FAT3: variants seen among roughly 807,000 people sequenced by gnomAD.
FAT3 encodes FAT atypical cadherin 3.
A neutral mutation model predicts 310.2 loss-of-function variants in FAT3; 95 were observed. That is an observed-to-expected ratio of 0.31 (90% CI 0.26 to 0.36). The LOEUF (loss-of-function observed/expected upper bound fraction) is 0.36. Among genes scored for constraint, FAT3 ranks in the 10% least tolerant of loss-of-function variants. The probability of loss-of-function intolerance (pLI) is 1.00; values close to 1 mark genes in which losing one functional copy is unlikely to be tolerated. For synonymous variants in FAT3, 2,314 were observed against 2,192.9 expected, an observed-to-expected ratio of 1.06 and a Z score of -1.54; for missense variants, 5,408 against 5,715.6, an observed-to-expected ratio of 0.95 and a Z score of 1.74.
At chr11:92,368,310 ATGCCAATTT>A (rs1565263086) in intron 2 of FAT3, among the ~76,000 whole-genome samples, 1 of 152,230 alleles carries the variant, frequency 6.6e-6, no homozygotes, top group Non-Finnish European at 1.5e-5. Context: ...TTTTAATGAC[ATGCCAATTT>A]TTAACATTGT....
At chr11:92,610,682 C>T (rs1171539315) in intron 3 of FAT3, among the ~76,000 whole-genome samples, 3 of 152,178 alleles carry the variant, frequency 2.0e-5, no homozygotes, top group African/African-American at 4.8e-5. Context: ...CCAAAGCATC[C>T]ACCGTTTCTT....
At chr11:92,371,073 CG>C (rs1427119589) in intron 2 of FAT3, among the ~76,000 whole-genome samples, 2 of 152,056 alleles carry the variant, frequency 1.3e-5, no homozygotes, top group Non-Finnish European at 2.9e-5. Context: ...TTAGAAATTG[CG>C]AAGTGGAGAT....
chr11:92,354,261 T>C lies in FAT3; in HGVS notation c.2149T>C (p.Ser717Pro). ...GGAAGATGGATTTCTTGACTTTTAT[T>C]CAATTAATAGACAGGGACCATATTT... ...NLEDGFLDFY[S>P]INRQGPYFDK... The change falls in exon 2 of 28, where the codon TCA becomes CCA. Residue 717 changes from serine to proline, a missense_variant. Physicochemically the swap from Ser to Pro is moderately conservative, Grantham distance 74. This residue lies in a region of FAT3 where 4,588 missense variants were observed against 4,809.8 expected (regional missense o/e 0.95). Transcript: ENST00000525166. 8 of 1,613,722 alleles carry C rather than the reference T, an allele frequency of 5.0e-6. No homozygotes were observed. Among genetic ancestry groups the C allele is most frequent in the Non-Finnish European group, 6.8e-6 (8 of 1,179,860 alleles).
chr11:92,686,751 A>G (rs183028469), intron 3 of FAT3, among the ~76,000 whole-genome samples: 1 of 152,358 alleles, frequency 6.6e-6, no homozygotes, highest in Non-Finnish European at 1.5e-5. Context: ...TGTATAAATT[A>G]TAGAGCAAAG....
chr11:92,624,872 T>C (rs1385669026), intron 3 of FAT3, among the ~76,000 whole-genome samples: 3 of 152,226 alleles, frequency 2.0e-5, no homozygotes, highest in Non-Finnish European at 2.9e-5. Flanking sequence ...AGACGATCTG[T>C]TCAAAGCTGC....
rs1565252705 is a variant in FAT3 at position 92,355,018 on chromosome 11, G to T, written c.2906G>T (p.Gly969Val). Reference protein sequence around the residue: ...ETHDPDLGLGGQVRYSLVNDY... With the variant: ...ETHDPDLGLGVQVRYSLVNDY... ...CATGATCCAGATCTTGGACTGGGGG[G>T]TCAAGTGCGCTATTCTTTGGTCAAT... Residue 969 changes from glycine (G) to valine (V), a missense_variant, in exon 2 of 28, where the codon GGT becomes GTT. This residue lies in a region of FAT3 where 4,588 missense variants were observed against 4,809.8 expected (regional missense o/e 0.95). Transcript: ENST00000525166. The T allele has an allele frequency of 1.9e-6, 3 of 1,613,710 alleles. No individual in the cohort carries two copies. Among genetic ancestry groups the T allele is most frequent in the Admixed American group, 1.7e-5 (1 of 59,916 alleles).
chr11:92,320,305 C>T (rs1947578864), intron 1 of FAT3, among the ~76,000 whole-genome samples: 1 of 152,114 alleles, frequency 6.6e-6, no homozygotes, highest in Non-Finnish European at 1.5e-5. Flanking sequence ...GTACCATTGA[C>T]ATGCAGGAAG....
At chr11:92,346,067 C>A (rs1014260509) in intron 1 of FAT3, among the ~76,000 whole-genome samples, 4 of 152,140 alleles carry the variant, frequency 2.6e-5, no homozygotes, top group African/African-American at 9.7e-5. Flanking sequence ...CCACATCAAA[C>A]CCTTTTTCTT....
At position 92,327,076 on chromosome 11, in the gene FAT3, A is replaced by G. The variant is rs375241724; in HGVS notation, c.-17-25020A>G. On this transcript the variant is annotated intron_variant, in intron 1 of 27. Coordinates refer to ENST00000525166, the MANE Select transcript of FAT3 (RefSeq NM_001367949.2). Reference sequence around the variant, plus strand: ...TGTATGCAGTATAGGTGCATTTTAAATAATATTTATTAAAAGACATGGAGT... The same window carrying G: ...TGTATGCAGTATAGGTGCATTTTAAGTAATATTTATTAAAAGACATGGAGT... Among the ~76,000 whole-genome samples, 8 of 152,280 alleles carry G rather than the reference A, an allele frequency of 5.3e-5. No homozygotes were observed. The East Asian group carries it at 1.4e-3, about 26-fold the overall frequency.
At chr11:92,678,986 A>G (rs1943380862) in intron 3 of FAT3, among the ~76,000 whole-genome samples, 1 of 151,820 alleles carries the variant, frequency 6.6e-6, no homozygotes, top group Non-Finnish European at 1.5e-5. Flanking sequence ...ATTTTTTATC[A>G]TTTCACTCTC....
chr11:92,706,468 G>T (rs1944357156), intron 4 of FAT3, among the ~76,000 whole-genome samples: 1 of 152,030 alleles, frequency 6.6e-6, no homozygotes, highest in Admixed American at 6.6e-5. Context: ...TCCTAAAAAG[G>T]CACTGCCAGC....
intron 4 of FAT3, among the ~76,000 whole-genome samples, chr11:92,706,355 A>G (rs2135937371): frequency 6.6e-6 from 1 of 152,220 alleles, no homozygotes; most frequent in South Asian, 2.1e-4. Flanking sequence ...CAGAGATTAC[A>G]AGATGCCATG....
chr11:92,589,367 A>G (rs1170210514), intron 3 of FAT3, among the ~76,000 whole-genome samples: 1 of 152,108 alleles, frequency 6.6e-6, no homozygotes, highest in Non-Finnish European at 1.5e-5. Flanking sequence ...TTCACCACAG[A>G]TCCATGTGTT....
chr11:92,486,487 G>T (rs76067891), intron 2 of FAT3, among the ~76,000 whole-genome samples: 8 of 151,734 alleles, frequency 5.3e-5, no homozygotes, highest in African/African-American at 1.9e-4. Context: ...ATTTCATTTC[G>T]TTCATTTATT....
At chr11:92,320,757 G>A (rs1030788174) in intron 1 of FAT3, among the ~76,000 whole-genome samples, 3 of 151,558 alleles carry the variant, frequency 2.0e-5, no homozygotes, top group Non-Finnish European at 4.4e-5. Flanking sequence ...GCAATCCCAG[G>A]TACTTGAGAG....
At chr11:92,795,311 T>C (rs143327791) in intron 9 of FAT3, among the ~76,000 whole-genome samples, 1 of 152,246 alleles carries the variant, frequency 6.6e-6, no homozygotes, top group African/African-American at 2.4e-5. Flanking sequence ...TCAACAAATA[T>C]TAAGCAACTT....
At chr11:92,727,107 A>G (rs1394419822) in intron 4 of FAT3, among the ~76,000 whole-genome samples, 1 of 152,200 alleles carries the variant, frequency 6.6e-6, no homozygotes, top group Non-Finnish European at 1.5e-5. Context: ...ATAAACAGCT[A>G]CAAGAAAACA....
chr11:92,236,633 C>A (rs1437869922), intron 1 of FAT3, among the ~76,000 whole-genome samples: 2 of 152,150 alleles, frequency 1.3e-5, no homozygotes, highest in African/African-American at 4.8e-5. Context: ...ATGTGTAATG[C>A]TCTTAATTTC....
chr11:92,269,312 G>T (rs754498166), intron 1 of FAT3, among the ~76,000 whole-genome samples: 1 of 152,206 alleles, frequency 6.6e-6, no homozygotes, highest in Non-Finnish European at 1.5e-5. Context: ...ACTCAGAAGT[G>T]CCCTGAATTC....
Sources: allele counts gnomAD v4.1 joint callset (sites outside exome capture counted in the v4.1 genomes callset), GRCh38; gene constraint gnomAD v4.1.1; regional missense constraint gnomAD v4.1.1; transcripts MANE v1.5; gene names NCBI Gene and HGNC (gene_info 2026-07-23, HGNC 2026-07-21).